The following TM4SF1 variants were observed in gnomAD, a reference collection of about 807,000 sequenced individuals.
TM4SF1 encodes the protein transmembrane 4 L six family member 1.
A neutral mutation model predicts 24.5 loss-of-function variants in TM4SF1; 20 were observed. The ratio of observed to expected loss-of-function variants is 0.82; its 90% CI spans 0.57 to 1.19. The LOEUF (loss-of-function observed/expected upper bound fraction) is 1.19, where lower values mean the gene tolerates loss of function less well. Ranked by LOEUF, TM4SF1 falls within the 50% of genes most tolerant of loss-of-function variation. The probability of loss-of-function intolerance (pLI) is 0.00; values close to 1 mark genes in which losing one functional copy is unlikely to be tolerated. For missense variants in TM4SF1, 258 were observed against 248.1 expected (o/e 1.04, Z -0.27); for synonymous variants, 107 against 95.4 (o/e 1.12, Z -0.71).
chr3:149,375,364 C>T (rs1313243728), intron 3 of TM4SF1, 79 bp downstream of exon 3: 2 of 1,539,518 alleles, frequency 1.3e-6, no homozygotes, highest in African/African-American at 1.4e-5. Flanking sequence ...TAAGTGGATG[C>T]CTATCTGGTT....
intron 4 of TM4SF1, chr3:149,370,101 T>G: frequency 2.2e-6 from 1 of 459,258 alleles, no homozygotes; most frequent in Non-Finnish European, 3.8e-6. Flanking sequence ...AAAGGGCCCA[T>G]AGAAACTGCA....
At chr3:149,371,009 C>T (rs1731809733) in intron 4 of TM4SF1, 1 of 152,292 alleles carries the variant, frequency 6.6e-6, no homozygotes, top group African/African-American at 2.4e-5. Context: ...TCTCCTAAAT[C>T]ATATCCCCAG....
At chr3:149,375,859 C>G in intron 1 of TM4SF1, 90 bp from the exon 2 acceptor site, 2 of 1,204,092 alleles carry the variant, frequency 1.7e-6, no homozygotes, top group South Asian at 2.6e-5. Flanking sequence ...ATATTTATTT[C>G]CAATGACATT....
chr3:149,376,124 T>C (rs1731945968), intron 1 of TM4SF1, among the ~76,000 whole-genome samples: 1 of 152,242 alleles, frequency 6.6e-6, no homozygotes, highest in Admixed American at 6.5e-5. Flanking sequence ...TTTTTTCCAC[T>C]TGTAAAATGC....
chr3:149,370,212 A>G, intron 4 of TM4SF1: 1 of 225,802 alleles, frequency 4.4e-6, no homozygotes, highest in South Asian at 7.3e-5. Context: ...TATGAGCTCA[A>G]TGTGGGTAAC....
chr3:149,369,685 A>G lies in TM4SF1; in HGVS notation c.*181T>C, dbSNP rs1731773434. On this transcript the variant is annotated 3_prime_UTR_variant, in exon 5 of 5. Coordinates refer to ENST00000305366, the MANE Select transcript of TM4SF1 (RefSeq NM_014220.3). Reference sequence around the variant, plus strand: ...ACAAAAACAAATAAACAAACAAAAAAGAAGTTTACTAAATTTAAACACTGA... The same window carrying G: ...ACAAAAACAAATAAACAAACAAAAAGGAAGTTTACTAAATTTAAACACTGA... 4.4e-6 allele frequency: 3 copies of G among 687,360 alleles called. No individual in the cohort carries two copies. The East Asian group carries it at 9.7e-5, about 22-fold the overall frequency. 42.6% of individuals were successfully genotyped at this position (687,360 alleles called of 1,614,324 possible).
At position 149,369,145 on chromosome 3, in the gene TM4SF1, A is replaced by G. The variant is rs1043289; in HGVS notation, c.*721T>C. ...GATCAACTGCTTTATTCAGTTTCCC[A>G]TCTTTCTTCTTGCCCAGTCATCGTA... On this transcript the variant is annotated 3_prime_UTR_variant, in exon 5 of 5. Coordinates refer to ENST00000305366, the MANE Select transcript of TM4SF1 (RefSeq NM_014220.3). The G allele has an allele frequency of 6.6e-6, 1 of 152,102 alleles. No homozygotes were observed. The highest frequency in any genetic ancestry group is 1.5e-5 in the Non-Finnish European group (1 of 68,018). The allele number at this position is 152,102 out of a possible 1,614,324, so 9.4% of individuals were successfully genotyped here. A position where few individuals can be genotyped will look rare whatever the true frequency, so the allele number is the denominator to read the frequency against.
At chr3:149,375,338 T>G (rs1576849600) in intron 3 of TM4SF1, 105 bp downstream of exon 3, 14 of 1,410,914 alleles carry the variant, frequency 9.9e-6, no homozygotes, top group Non-Finnish European at 9.7e-7. Flanking sequence ...ACTGGCTAGG[T>G]GGGTGGATGG....
rs573932908 is a variant in TM4SF1, at chr3:149,377,471, A to G, written c.77T>C (p.Ile26Thr). The G allele has an allele frequency of 2.0e-5, 32 of 1,614,136 alleles. No individual in the cohort carries two copies. Among genetic ancestry groups the G allele is most frequent in the Non-Finnish European group, 2.5e-5 (30 of 1,180,028 alleles). ...GLALLCIAANILLYFPNGETK... is the reference protein window; with the variant it reads ...GLALLCIAANTLLYFPNGETK... ...TTCCCCATTGGGAAAGTAAAGCAAAATATTAGCCGCGATGCACAGGAGGGC... is the reference window on the plus strand; with the variant it reads ...TTCCCCATTGGGAAAGTAAAGCAAAGTATTAGCCGCGATGCACAGGAGGGC... Residue 26 changes from isoleucine (I) to threonine (T), a missense_variant, in exon 1 of 5, where the codon ATT becomes ACT. Physicochemically the swap from Ile to Thr is moderately conservative, Grantham distance 89. Transcript: ENST00000305366.
In TM4SF1 at chr3:149,377,370, C is replaced by T. The variant is rs746062553; in HGVS notation, c.177+1G>A. The T allele has an allele frequency of 6.2e-7, 1 of 1,612,062 alleles. No individual in the cohort carries two copies. The highest frequency in any genetic ancestry group is 8.5e-7 in the Non-Finnish European group (1 of 1,179,054). On this transcript the variant is annotated splice_donor_variant, in intron 1 of 4. Transcript: ENST00000305366. LOFTEE classifies it high-confidence loss of function. ...TTCAGTAATAATCCTGAATGACTTA[C>T]CAGCAGGCCACCTCCTACGATGCCA...
intron 4 of TM4SF1, chr3:149,370,748 T>C (rs930403175): frequency 6.6e-6 from 1 of 152,140 alleles, no homozygotes; most frequent in Non-Finnish European, 1.5e-5. Flanking sequence ...TTACAGAAAG[T>C]TTCCTTTTAT....
At position 149,369,666 on chromosome 3, in the gene TM4SF1, A is replaced by T; in HGVS notation, c.*200T>A. On this transcript the variant is annotated 3_prime_UTR_variant, in exon 5 of 5. Transcript: ENST00000305366. ...CCTCATTCCTTAAAAAAAAACAAAA[A>T]CAAATAAACAAACAAAAAAGAAGTT... The T allele has an allele frequency of 1.6e-6, 1 of 628,592 alleles. No individual in the cohort carries two copies. The highest frequency in any genetic ancestry group is 2.6e-6 in the Non-Finnish European group (1 of 388,574). 38.9% of individuals were successfully genotyped at this position (628,592 alleles called of 1,614,324 possible).
In TM4SF1 at chr3:149,377,600, C is replaced by A. The variant is rs924529127; in HGVS notation, c.-53G>T. On this transcript the variant is annotated 5_prime_UTR_variant, in exon 1 of 5. Transcript: ENST00000305366. The stretch of plus-strand genomic sequence containing the variant: ...CTCTTTGTCTTCAGCTCAGTGATAC[C>A]CCAAATTAGATGAAAGTGTGCCCTT... 1.3e-5 allele frequency: 21 copies of A among 1,565,168 alleles called. No homozygotes were observed. In the African/African-American group the frequency reaches 2.0e-4, roughly 15 times the overall value.
chr3:149,371,227 C>A (rs1731813128), intron 4 of TM4SF1: 1 of 173,766 alleles, frequency 5.8e-6, no homozygotes, highest in South Asian at 1.6e-4. Flanking sequence ...AGGTTTGAAG[C>A]CTGTTATTTC....
Position 149,371,595 on chromosome 3 carries a change from G to A in TM4SF1, c.594+92C>T, listed in dbSNP as rs769607872. The A allele has an allele frequency of 6.8e-5, 89 of 1,300,924 alleles. 1 individual carries two copies. The highest frequency in any genetic ancestry group is 1.8e-4 in the Middle Eastern group (1 of 5,438). 80.6% of individuals were successfully genotyped at this position (1,300,924 alleles called of 1,614,324 possible). A position where few individuals can be genotyped will look rare whatever the true frequency, so the allele number is the denominator to read the frequency against. On this transcript the variant is annotated intron_variant, in intron 4 of 4. Transcript: ENST00000305366. ...ATATCAGAATAAATGCTGGTAGGTC[G>A]AGCATGTTTGGTTTTGCCTTTTTCT...
chr3:149,371,623 A>G (rs760279114), intron 4 of TM4SF1, 64 bp downstream of exon 4: 2 of 1,582,170 alleles, frequency 1.3e-6, no homozygotes, highest in Non-Finnish European at 1.7e-6. Context: ...CTTTTTCTTT[A>G]TGATGAAAAC....
At chr3:149,376,541 A>C (rs1393048054) in intron 1 of TM4SF1, among the ~76,000 whole-genome samples, 2 of 152,220 alleles carry the variant, frequency 1.3e-5, no homozygotes, top group Admixed American at 6.5e-5. Flanking sequence ...TCATTAAATA[A>C]ATAATTTAGG....
intron 4 of TM4SF1, chr3:149,370,190 G>T (rs1324729260): frequency 1.1e-5 from 3 of 264,900 alleles, no homozygotes; most frequent in African/African-American, 4.6e-5. Context: ...TGCCATGGAA[G>T]TTTCACACTG....
chr3:149,377,411 A>C lies in TM4SF1; in HGVS notation c.137T>G (p.Phe46Cys), dbSNP rs1374726045. 1 of 1,614,094 alleles carries C rather than the reference A, an allele frequency of 6.2e-7. No individual in the cohort carries two copies. The highest frequency in any genetic ancestry group is 8.5e-7 in the Non-Finnish European group (1 of 1,180,044). Residue 46 changes from phenylalanine (F) to cysteine (C), a missense_variant, in exon 1 of 5, where the codon TTC becomes TGC. Phe to Cys is a radical substitution (Grantham distance 205). Coordinates refer to ENST00000305366, the MANE Select transcript of TM4SF1 (RefSeq NM_014220.3). ...TACGATGCCAGAAAAGAACCACACG[A>C]AGCGGCTGAGGTGGTTTTCGGAGGC... Reference protein sequence around the residue: ...KYASENHLSRFVWFFSGIVGG... With the variant: ...KYASENHLSRCVWFFSGIVGG...
Sources: gnomAD v4.1 joint callset for allele counts (sites outside exome capture counted in the v4.1 genomes callset) on GRCh38, gnomAD v4.1.1 for gene constraint, MANE v1.5 for transcripts, NCBI Gene and HGNC (gene_info 2026-07-23, HGNC 2026-07-21) for gene names.